Variants in EIF4A2 observed in about 807,000 individuals in gnomAD.
EIF4A2 encodes eukaryotic initiation factor 4A-II.
EIF4A2 carries 9 observed loss-of-function variants against 50.6 expected under a neutral mutation model. The observed-to-expected ratio is 0.18, with a 90% CI of 0.11 to 0.31. The LOEUF (loss-of-function observed/expected upper bound fraction) is 0.31. Among genes scored for constraint, EIF4A2 ranks in the 10% least tolerant of loss-of-function variants. The pLI is 1.00. For synonymous variants in EIF4A2, 215 were observed against 164.4 expected (o/e 1.31, Z -2.35); for missense variants, 182 against 501.8 (o/e 0.36, Z 6.09).
rs1721861394 is a variant in EIF4A2 at position 186,788,083 on chromosome 3, A to AT, written c.1079+202dup. On this transcript the variant is annotated intron_variant, in intron 10 of 10. Transcript: ENST00000323963. The stretch of plus-strand genomic sequence containing the variant: ...TGTAAACATTGCCCAGATTGTGGAC[A>AT]TAGGGTTTTTTTCCACAATTGTTGG... 12 of 719,960 alleles carry AT rather than the reference A, an allele frequency of 1.7e-5. No homozygotes were observed. The South Asian group carries it at 1.9e-4, about 12-fold the overall frequency. The allele number at this position is 719,960 out of a possible 1,614,324, so 44.6% of individuals were successfully genotyped here.
At chr3:186,786,743 C>A in intron 7 of EIF4A2, 98 bp downstream of exon 7, 1 of 1,499,664 alleles carries the variant, frequency 6.7e-7, no homozygotes, top group Non-Finnish European at 9.3e-7. Flanking sequence ...TGCAATAATG[C>A]TAGCAGAGTA....
intron 5 of EIF4A2, 54 bp from the exon 6 acceptor site, chr3:186,786,110 A>T: frequency 6.2e-7 from 1 of 1,601,556 alleles, no homozygotes; most frequent in Admixed American, 1.7e-5. Context: ...TTGAAAAGTC[A>T]AATTGTATCA....
intron 7 of EIF4A2, chr3:186,786,898 T>A (rs1247566118): frequency 1.1e-6 from 1 of 883,044 alleles, no homozygotes; most frequent in Non-Finnish European, 1.9e-6. Flanking sequence ...TTTCTACGTT[T>A]TGAGACTGGG....
At chr3:186,783,882 C>T (rs937188850) in intron 1 of EIF4A2, 13 of 587,838 alleles carry the variant, frequency 2.2e-5, no homozygotes, top group Non-Finnish European at 3.6e-5. Flanking sequence ...GAAACTTCGG[C>T]TGCTTTCCTT....
rs997815500 is a variant in EIF4A2 at position 186,789,785 on chromosome 3, TTGC to T, written c.*518_*520del. ...AGTGCTAAGTGTGAACTGGACCCTG[TTGC>T]TAAGCCCCAGCAAGCAATCCTAGGT... On this transcript the variant is annotated 3_prime_UTR_variant, in exon 11 of 11. Transcript: ENST00000323963. The T allele has an allele frequency of 5.3e-6, 3 of 570,772 alleles. No homozygotes were observed. Among genetic ancestry groups the T allele is most frequent in the African/African-American group, 3.8e-5 (2 of 53,208 alleles). The allele number at this position is 570,772 out of a possible 1,614,324, so 35.4% of individuals were successfully genotyped here. A position where few individuals can be genotyped will look rare whatever the true frequency, so the allele number is the denominator to read the frequency against.
chr3:186,785,396 G>T, intron 4 of EIF4A2: 1 of 430,566 alleles, frequency 2.3e-6, no homozygotes, highest in Non-Finnish European at 4.2e-6. Context: ...GCAGTGACAT[G>T]TTACCATTTG....
chr3:186,787,419 T>C, intron 8 of EIF4A2, 76 bp from the exon 9 acceptor site: 1 of 1,609,398 alleles, frequency 6.2e-7, no homozygotes, highest in Non-Finnish European at 8.5e-7. Context: ...CAGGGACGCT[T>C]GGTCTCATAC....
chr3:186,788,200 C>T (rs2108461628), intron 10 of EIF4A2: 1 of 942,968 alleles, frequency 1.1e-6, no homozygotes, highest in African/African-American at 1.7e-5. Context: ...CTTGGTGTCG[C>T]CTGGTAGCAA....
intron 9 of EIF4A2, 72 bp from the exon 10 acceptor site, chr3:186,787,731 C>T: frequency 1.9e-6 from 3 of 1,601,508 alleles, no homozygotes; most frequent in Non-Finnish European, 2.6e-6. Flanking sequence ...TAGTTCGCTA[C>T]TATTTTGTGG....
chr3:186,784,729 C>A (rs749561100), intron 3 of EIF4A2, 33 bp downstream of exon 3: 3 of 1,611,280 alleles, frequency 1.9e-6, no homozygotes, highest in Non-Finnish European at 2.5e-6. Flanking sequence ...GGAAATTGTT[C>A]TACATAGACA....
chr3:186,786,376 T>G, intron 6 of EIF4A2, 103 bp downstream of exon 6: 1 of 1,521,696 alleles, frequency 6.6e-7, no homozygotes, highest in Non-Finnish European at 8.9e-7. Flanking sequence ...TCCCCCTGCT[T>G]AAAGCACTTG....
chr3:186,789,053 C>CA (rs543857570), intron 10 of EIF4A2, 72 bp from the exon 11 acceptor site: 2 of 1,516,314 alleles, frequency 1.3e-6, no homozygotes, highest in South Asian at 1.3e-5. Flanking sequence ...TGGTGGTTAA[C>CA]AAGTGGATCG....
intron 10 of EIF4A2, chr3:186,788,294 T>G: frequency 7.7e-7 from 1 of 1,292,314 alleles, no homozygotes; most frequent in African/African-American, 1.5e-5. Context: ...AAAAAAAGAC[T>G]TTTTAAAAAA....
At chr3:186,785,195 C>T (rs1721617144) in intron 4 of EIF4A2, 94 bp downstream of exon 4, 1 of 1,527,058 alleles carries the variant, frequency 6.5e-7, no homozygotes, top group Non-Finnish European at 8.8e-7. Context: ...ATAAATTGGT[C>T]CTACCAGATC....
chr3:186,787,736 T>C, intron 9 of EIF4A2, 67 bp from the exon 10 acceptor site: 1 of 1,604,896 alleles, frequency 6.2e-7, no homozygotes, highest in South Asian at 1.1e-5. Flanking sequence ...CGCTACTATT[T>C]TGTGGCCTAC....
At chr3:186,786,140 A>G in intron 5 of EIF4A2, 24 bp from the exon 6 acceptor site, 1 of 1,610,242 alleles carries the variant, frequency 6.2e-7, no homozygotes, top group South Asian at 1.1e-5. Context: ...TCTAGAAATG[A>G]CAGTATGACT....
At chr3:186,783,678 T>A in intron 1 of EIF4A2, 39 bp downstream of exon 1, 5 of 1,613,968 alleles carry the variant, frequency 3.1e-6, no homozygotes, top group Non-Finnish European at 4.2e-6. Flanking sequence ...GTAGTGAAGG[T>A]CATAGGGCGC....
At chr3:186,786,348 G>A in intron 6 of EIF4A2, 75 bp downstream of exon 6, 1 of 1,517,066 alleles carries the variant, frequency 6.6e-7, no homozygotes, top group Non-Finnish European at 9.0e-7. Context: ...CAATACAACT[G>A]ATGTGTTTTG....
chr3:186,784,771 GACTAGC>G, intron 3 of EIF4A2, 75 bp downstream of exon 3: 3 of 1,607,596 alleles, frequency 1.9e-6, no homozygotes, highest in Non-Finnish European at 2.5e-6. Flanking sequence ...ACCTCTGGGG[GACTAGC>G]ACCTGTTTGT....
Sources: gnomAD v4.1 joint callset for allele counts on GRCh38, gnomAD v4.1.1 for gene constraint, MANE v1.5 for transcripts, NCBI Gene and HGNC (gene_info 2026-07-23, HGNC 2026-07-21) for gene names.